Variants in DEAF1 observed in about 807,000 individuals in gnomAD.
The protein encoded by DEAF1 is deformed epidermal autoregulatory factor 1 homolog.
In DEAF1, 53 loss-of-function variants were observed where a neutral mutation model predicts 58.9. The ratio of observed to expected loss-of-function variants is 0.90; its 90% CI spans 0.72 to 1.13. The LOEUF is 1.13. Ranked by LOEUF, DEAF1 falls within the 50% of genes most tolerant of loss-of-function variation. The pLI, the probability that DEAF1 is intolerant of heterozygous loss-of-function variation, is 0.00. For synonymous variants in DEAF1, 385 were observed against 340.4 expected, an observed-to-expected ratio of 1.13 and a Z score of -1.44; for missense variants, 685 against 791.4, an observed-to-expected ratio of 0.87 and a Z score of 1.61.
At chr11:701,048 T>C in intron 1 of DEAF1, 1 of 364,648 alleles carries the variant, frequency 2.7e-6, no homozygotes, top group Non-Finnish European at 5.2e-6. Context: ...TTCCTTCCCC[T>C]TGCCCTTAGC....
chr11:648,837 A>G (rs1858621207), intron 11 of DEAF1, among the ~76,000 whole-genome samples: 1 of 152,246 alleles, frequency 6.6e-6, no homozygotes, highest in Non-Finnish European at 1.5e-5. Context: ...GTACACTAGA[A>G]AACACAACTA....
At chr11:684,663 A>T (rs1860511219) in intron 6 of DEAF1, among the ~76,000 whole-genome samples, 1 of 152,226 alleles carries the variant, frequency 6.6e-6, no homozygotes, top group African/African-American at 2.4e-5. Flanking sequence ...GGTTTCCACA[A>T]ATGTTCTTTG....
At chr11:700,538 A>AG in intron 1 of DEAF1, 1 of 1,231,462 alleles carries the variant, frequency 8.1e-7, no homozygotes, top group Non-Finnish European at 1.2e-6. Context: ...AAAAAAAAAA[A>AG]AAGGAAAAGG....
At chr11:683,480 C>T (rs753444957) in intron 6 of DEAF1, among the ~76,000 whole-genome samples, 6 of 152,186 alleles carry the variant, frequency 3.9e-5, no homozygotes, top group Non-Finnish European at 7.3e-5. Context: ...TCTGCCAGTG[C>T]CACACTATCT....
At chr11:699,229 T>C (rs1861336471), upstream of DEAF1, 1 of 369,374 alleles carries the variant, frequency 2.7e-6, no homozygotes, top group African/African-American at 2.0e-5. Context: ...TTTTTGTTTG[T>C]TTATGTTTTT....
At position 694,890 on chromosome 11, in the gene DEAF1, T is replaced by A. The variant is rs1861041600; in HGVS notation, c.158A>T (p.Asp53Val). ...CGGCGTCTCCCGCTCCGCCTCCGAG[T>A]CTGCGTCCTCCTCCGAGTCCTCGTC... ...SRDEDSEEDADSEAERETPRV... is the reference protein window; with the variant it reads ...SRDEDSEEDAVSEAERETPRV... The change falls in exon 1 of 12, where the codon GAC becomes GTC. Residue 53 changes from aspartate to valine, a missense_variant. Around this residue, in one of 3 missense-constraint regions of DEAF1, gnomAD observed 210 missense variants for 177.3 expected, o/e 1.18. Coordinates refer to ENST00000382409, the MANE Select transcript of DEAF1 (RefSeq NM_021008.4). The A allele has an allele frequency of 1.3e-6, 2 of 1,498,824 alleles. No individual in the cohort carries two copies. The highest frequency in any genetic ancestry group is 8.9e-7 in the Non-Finnish European group (1 of 1,128,464). 92.8% of individuals were successfully genotyped at this position (1,498,824 alleles called of 1,614,324 possible). A position where few individuals can be genotyped will look rare whatever the true frequency, so the allele number is the denominator to read the frequency against.
intron 1 of DEAF1, among the ~76,000 whole-genome samples, chr11:701,406 CTTTTTTTTTTT>C (rs71022955): frequency 1.5e-5 from 1 of 64,900 alleles, no homozygotes; most frequent in East Asian, 5.7e-4. Context: ...GACAAGGTTT[CTTTTTTTTTTT>C]TTTTTTTTTT....
At chr11:673,389 G>A (rs1859917945) in intron 10 of DEAF1, among the ~76,000 whole-genome samples, 1 of 150,382 alleles carries the variant, frequency 6.6e-6, no homozygotes, top group African/African-American at 2.4e-5. Context: ...TTAGCCAGGT[G>A]TGGTGGTGGG....
At chr11:694,597 G>A (rs1184680973) in intron 1 of DEAF1, 162 bp downstream of exon 1, 2 of 578,866 alleles carry the variant, frequency 3.5e-6, no homozygotes, top group East Asian at 3.9e-5. Flanking sequence ...TGGAGCAGGT[G>A]TGAGGGGCAG....
At chr11:663,403 C>T (rs1009341497) in intron 10 of DEAF1, among the ~76,000 whole-genome samples, 6 of 152,146 alleles carry the variant, frequency 3.9e-5, no homozygotes, top group African/African-American at 1.2e-4. Flanking sequence ...AGCCGAGATT[C>T]TGCCACTGCA....
At position 694,984 on chromosome 11, in the gene DEAF1, C is replaced by T. The variant is rs1259247271; in HGVS notation, c.64G>A (p.Ala22Thr). The change falls in exon 1 of 12, where the codon GCG (alanine) becomes ACG (threonine). Residue 22 changes from alanine (A) to threonine (T), a missense_variant. This residue lies in a region of DEAF1 where 210 missense variants were observed against 177.3 expected (regional missense o/e 1.18). Transcript: ENST00000382409. ...GLAEAAAVAA[A>T]AAVAAAAAAA... The stretch of plus-strand genomic sequence containing the variant: ...GCGGCCGCCGCCGCCACAGCGGCCG[C>T]GGCCGCCACCGCCGCCGCCTCAGCC... 5 of 1,181,666 alleles carry T rather than the reference C, an allele frequency of 4.2e-6. No individual in the cohort carries two copies. Among genetic ancestry groups the T allele is most frequent in the Non-Finnish European group, 5.2e-6 (5 of 956,352 alleles). The allele number at this position is 1,181,666 out of a possible 1,614,324, so 73.2% of individuals were successfully genotyped here.
intron 10 of DEAF1, among the ~76,000 whole-genome samples, chr11:666,769 C>T (rs1470142586): frequency 7.0e-6 from 1 of 142,360 alleles, no homozygotes; most frequent in Non-Finnish European, 1.5e-5. Context: ...GTCCCATCTA[C>T]TTGGAAGGCT....
intron 9 of DEAF1, chr11:678,221 G>A (rs1237596188): frequency 5.1e-6 from 1 of 194,590 alleles, no homozygotes; most frequent in Non-Finnish European, 1.1e-5. Flanking sequence ...AAAAATAGAA[G>A]TGCAGTTAAA....
At chr11:675,024 AAT>A in intron 9 of DEAF1, among the ~76,000 whole-genome samples, 1 of 152,106 alleles carries the variant, frequency 6.6e-6, no homozygotes, top group African/African-American at 2.4e-5. Context: ...GGCTAAAAAA[AAT>A]ACAAAAAATT....
At chr11:651,481 G>A in intron 11 of DEAF1, 1 of 276,836 alleles carries the variant, frequency 3.6e-6, no homozygotes, top group Non-Finnish European at 6.9e-6. Flanking sequence ...GTTTTATAAT[G>A]ATAAAAGAGC....
chr11:655,461 TGAGACG>T (rs1279949113), intron 10 of DEAF1, among the ~76,000 whole-genome samples: 2 of 152,274 alleles, frequency 1.3e-5, no homozygotes, highest in Non-Finnish European at 1.5e-5. Flanking sequence ...CAATGCTCTC[TGAGACG>T]GAGAAGACCA....
chr11:700,587 A>G, intron 1 of DEAF1: 2 of 1,588,864 alleles, frequency 1.3e-6, no homozygotes, highest in Non-Finnish European at 8.6e-7. Context: ...CAGGTTACTT[A>G]TGTTCCGTCC....
chr11:666,676 A>C (rs1289534316), intron 10 of DEAF1, among the ~76,000 whole-genome samples: 2 of 151,450 alleles, frequency 1.3e-5, no homozygotes, highest in African/African-American at 2.4e-5. Context: ...CTGCACTCCA[A>C]CCCTGGGCGA....
At chr11:656,865 CT>C (rs576045088) in intron 10 of DEAF1, among the ~76,000 whole-genome samples, 452 of 146,358 alleles carry the variant, frequency 3.1e-3, no homozygotes, top group Admixed American at 3.6e-3. Context: ...CTTTGCAAAA[CT>C]TTTTTTTTTT....
Sources: gnomAD v4.1 joint callset for allele counts (sites outside exome capture counted in the v4.1 genomes callset) on GRCh38, gnomAD v4.1.1 for gene constraint, gnomAD v4.1.1 regional missense constraint, MANE v1.5 for transcripts, NCBI Gene and HGNC (gene_info 2026-07-23, HGNC 2026-07-21) for gene names.